The following KCNT1 variants were observed in gnomAD, a reference collection of about 807,000 sequenced individuals.
KCNT1 encodes the protein potassium channel subfamily T member 1.
Under a neutral mutation model 147.8 loss-of-function variants are expected in KCNT1, and 78 were observed. The observed-to-expected ratio is 0.53, with a 90% CI of 0.44 to 0.64. The LOEUF (loss-of-function observed/expected upper bound fraction) is 0.64, where lower values mean the gene tolerates loss of function less well. KCNT1 is among the 30% of genes least tolerant of loss of function. The pLI, the probability that KCNT1 is intolerant of heterozygous loss-of-function variation, is 0.00. For synonymous variants in KCNT1, 867 were observed against 748.8 expected, an observed-to-expected ratio of 1.16 and a Z score of -2.58; for missense variants, 1,419 against 1,750.3, an observed-to-expected ratio of 0.81 and a Z score of 3.38.
Position 135,792,475 on chromosome 9 carries a change from C to T in KCNT1, c.*314C>T. ...GGAGGGCAACGCAGGGACTGGACGCCCTACAGGGCCGAGCCCAGGCTGTGC... is the reference window on the plus strand; with the variant it reads ...GGAGGGCAACGCAGGGACTGGACGCTCTACAGGGCCGAGCCCAGGCTGTGC... On this transcript the variant is annotated 3_prime_UTR_variant, in exon 31 of 31. Transcript: ENST00000371757. The T allele has an allele frequency of 3.7e-6, 1 of 273,896 alleles. No individual in the cohort carries two copies. The highest frequency in any genetic ancestry group is 7.1e-6 in the Non-Finnish European group (1 of 140,916). 17.0% of individuals were successfully genotyped at this position (273,896 alleles called of 1,614,324 possible). A position where few individuals can be genotyped will look rare whatever the true frequency, so the allele number is the denominator to read the frequency against.
chr9:135,724,114 G>T (rs1197558066), intron 2 of KCNT1, among the ~76,000 whole-genome samples: 1 of 152,186 alleles, frequency 6.6e-6, no homozygotes, highest in African/African-American at 2.4e-5. Context: ...GCTGACTGTG[G>T]GATCCAGGCT....
intron 15 of KCNT1, 67 bp from the exon 16 acceptor site, chr9:135,769,880 C>T (rs1832625547): frequency 1.7e-6 from 2 of 1,152,588 alleles, no homozygotes; most frequent in Admixed American, 4.0e-5. Flanking sequence ...AGGAAGTGAG[C>T]AGGTACTGTG....
intron 13 of KCNT1, among the ~76,000 whole-genome samples, chr9:135,768,194 C>T (rs1191358702): frequency 7.8e-6 from 1 of 127,434 alleles, no homozygotes; most frequent in Admixed American, 8.7e-5. Context: ...CGGCTCAGAG[C>T]CTGCCAGGGA....
rs927207427 is a variant in KCNT1, at chr9:135,718,080, C to T, written c.254+3360C>T. Among the ~76,000 whole-genome samples the T allele has an allele frequency of 4.6e-5, 7 of 152,220 alleles. No individual in the cohort carries two copies. The East Asian group carries it at 5.8e-4, about 13-fold the overall frequency. ...AGCTGACCTGGAGGAGGGGATCAGC[C>T]GCTTGGAGGACCCTCCTGGGTGCTT... On this transcript the variant is annotated intron_variant, in intron 2 of 30. Coordinates refer to ENST00000371757, the MANE Select transcript of KCNT1 (RefSeq NM_020822.3).
chr9:135,731,256 T>C (rs1048371568), intron 2 of KCNT1, among the ~76,000 whole-genome samples: 1 of 152,198 alleles, frequency 6.6e-6, no homozygotes, highest in African/African-American at 2.4e-5. Context: ...AGTCATTCTC[T>C]GGGGATGGGT....
At position 135,765,257 on chromosome 9, in the gene KCNT1, C is replaced by T. The variant is rs1437088031; in HGVS notation, c.1200+62C>T. 8 of 1,480,484 alleles carry T rather than the reference C, an allele frequency of 5.4e-6. No homozygotes were observed. The Admixed American group carries it at 1.2e-4, about 23-fold the overall frequency. The allele number at this position is 1,480,484 out of a possible 1,614,324, so 91.7% of individuals were successfully genotyped here. The stretch of plus-strand genomic sequence containing the variant: ...TCCCGGCCCCTAGAGACGCCATCCT[C>T]TCCCCAGGACTGCTTGGCAAGTCCC... On this transcript the variant is annotated intron_variant, in intron 12 of 30. Transcript: ENST00000371757.
chr9:135,777,236 G>A (rs918791659), intron 20 of KCNT1, 102 bp from the exon 21 acceptor site: 2 of 1,267,186 alleles, frequency 1.6e-6, no homozygotes, highest in African/African-American at 1.5e-5. Context: ...GCTAACGGCT[G>A]GGTGTTCACG....
At chr9:135,775,715 C>T (rs1046592765) in intron 20 of KCNT1, among the ~76,000 whole-genome samples, 1 of 152,056 alleles carries the variant, frequency 6.6e-6, no homozygotes, top group African/African-American at 2.4e-5. Flanking sequence ...CATCTACATG[C>T]GTTCCCAAAG....
At chr9:135,771,982 C>T (rs574839299) in intron 18 of KCNT1, among the ~76,000 whole-genome samples, 1 of 152,212 alleles carries the variant, frequency 6.6e-6, no homozygotes, top group Admixed American at 6.5e-5. Context: ...TGCAGTGGGG[C>T]ACAGTCTCCA....
intron 29 of KCNT1, 137 bp downstream of exon 29, chr9:135,786,658 C>G: frequency 1.2e-6 from 1 of 865,082 alleles, no homozygotes; most frequent in Non-Finnish European, 1.7e-6. Flanking sequence ...GTCAGCCTTT[C>G]TGGCCACCCT....
At chr9:135,710,978 C>G (rs1220359810) in intron 1 of KCNT1, among the ~76,000 whole-genome samples, 1 of 152,148 alleles carries the variant, frequency 6.6e-6, no homozygotes, top group African/African-American at 2.4e-5. Flanking sequence ...GGGCTTTCTC[C>G]CGGTGGCTCT....
At chr9:135,735,904 G>A (rs1480986623) in intron 2 of KCNT1, among the ~76,000 whole-genome samples, 2 of 152,186 alleles carry the variant, frequency 1.3e-5, no homozygotes, top group African/African-American at 2.4e-5. Flanking sequence ...TCACCTGGGC[G>A]AGTCACCTGG....
intron 14 of KCNT1, 24 bp downstream of exon 14, chr9:135,768,697 C>T: frequency 6.5e-7 from 1 of 1,547,924 alleles, no homozygotes; most frequent in Non-Finnish European, 8.7e-7. Context: ...AGGCCCTGCC[C>T]AGGCGGGAGG....
chr9:135,727,610 G>T (rs1836272943), intron 2 of KCNT1, among the ~76,000 whole-genome samples: 1 of 152,132 alleles, frequency 6.6e-6, no homozygotes, highest in South Asian at 2.1e-4. Flanking sequence ...TCCATGCCTG[G>T]TGGTACTGTT....
intron 18 of KCNT1, among the ~76,000 whole-genome samples, chr9:135,771,733 C>T (rs149629858): frequency 2.1e-3 from 314 of 152,326 alleles, no homozygotes; most frequent in Non-Finnish European, 3.6e-3. Context: ...GGTGGAGGCC[C>T]ATGGCCCCTA....
At chr9:135,769,613 C>T (rs112708813) in intron 15 of KCNT1, among the ~76,000 whole-genome samples, 27 of 152,258 alleles carry the variant, frequency 1.8e-4, no homozygotes, top group African/African-American at 5.3e-4. Context: ...GCCCGGGGAA[C>T]GGGGGGCAGG....
At chr9:135,731,678 A>C (rs932394167) in intron 2 of KCNT1, among the ~76,000 whole-genome samples, 3 of 151,950 alleles carry the variant, frequency 2.0e-5, no homozygotes, top group Non-Finnish European at 4.4e-5. Flanking sequence ...TAATAGTCCT[A>C]GACCTCATTT....
chr9:135,784,895 G>A lies in KCNT1; in HGVS notation c.3156+6G>A, dbSNP rs1474671973. ...ACGTCTTCTCCACCTCGGAGGTTCT[G>A]GGGCAGCCTGGGGGCTGGGACTGTG... On this transcript the variant is annotated splice_donor_region_variant and intron_variant, in intron 27 of 30. Transcript: ENST00000371757. 1 of 1,611,266 alleles carries A rather than the reference G, an allele frequency of 6.2e-7. No individual in the cohort carries two copies. Among genetic ancestry groups the A allele is most frequent in the Non-Finnish European group, 8.5e-7 (1 of 1,179,786 alleles).
intron 2 of KCNT1, among the ~76,000 whole-genome samples, chr9:135,743,717 C>T (rs1191207263): frequency 1.3e-5 from 2 of 152,236 alleles, no homozygotes; most frequent in East Asian, 1.9e-4. Context: ...TAGTGTGTGC[C>T]GCCGTGGCAC....
Sources: allele counts gnomAD v4.1 joint callset (sites outside exome capture counted in the v4.1 genomes callset), GRCh38; gene constraint gnomAD v4.1.1; transcripts MANE v1.5; gene names NCBI Gene and HGNC (gene_info 2026-07-23, HGNC 2026-07-21).